EIF3M: variants seen among roughly 807,000 people sequenced by gnomAD.
The protein encoded by EIF3M is eukaryotic translation initiation factor 3 subunit M.
In EIF3M, 25 loss-of-function variants were observed where a neutral mutation model predicts 49.7. The ratio of observed to expected loss-of-function variants is 0.50; its 90% CI spans 0.37 to 0.70. The LOEUF (loss-of-function observed/expected upper bound fraction) is 0.70, where lower values mean the gene tolerates loss of function less well. EIF3M is among the 30% of genes least tolerant of loss of function. EIF3M has a pLI of 0.00. For missense variants in EIF3M, 350 were observed against 440.0 expected, an observed-to-expected ratio of 0.80 and a Z score of 1.83; for synonymous variants, 156 against 149.8, an observed-to-expected ratio of 1.04 and a Z score of -0.30.
At chr11:32,586,933 G>A in intron 1 of EIF3M, 79 bp from the exon 2 acceptor site, 1 of 1,482,434 alleles carries the variant, frequency 6.7e-7, no homozygotes, top group African/African-American at 1.4e-5. Context: ...TTCCGTTTTA[G>A]TTTTTCAGAA....
Position 32,602,980 on chromosome 11 carries a change from T to A in EIF3M, c.*581T>A, listed in dbSNP as rs1344029324. The A allele has an allele frequency of 6.2e-7, 1 of 1,613,364 alleles. No homozygotes were observed. Among genetic ancestry groups the A allele is most frequent in the Admixed American group, 1.7e-5 (1 of 59,898 alleles). ...TTTAGTCGTCTTGATTGCCTGCAAA[T>A]GGCTTTGTAGTGGAGTTGATATCAG... On this transcript the variant is annotated 3_prime_UTR_variant, in exon 11 of 11. Transcript: ENST00000531120.
At position 32,602,884 on chromosome 11, in the gene EIF3M, C is replaced by T; in HGVS notation, c.*485C>T. ...CTTTGGCTGGTTGTCATTTTCTAAA[C>T]TTAGTAAATTTTCACTTTTATTTAG... is the stretch of plus-strand genomic sequence containing the variant. On this transcript the variant is annotated 3_prime_UTR_variant, in exon 11 of 11. Transcript: ENST00000531120. 6.2e-7 allele frequency: 1 copy of T among 1,611,716 alleles called. No individual in the cohort carries two copies. The highest frequency in any genetic ancestry group is 8.5e-7 in the Non-Finnish European group (1 of 1,179,078).
intron 10 of EIF3M, 175 bp from the exon 11 acceptor site, chr11:32,602,104 G>T: frequency 9.4e-7 from 1 of 1,069,212 alleles, no homozygotes; most frequent in Non-Finnish European, 1.4e-6. Context: ...AGAAGGCTTA[G>T]GATCAATATG....
At chr11:32,586,493 T>C (rs1317655213) in intron 1 of EIF3M, among the ~76,000 whole-genome samples, 2 of 152,216 alleles carry the variant, frequency 1.3e-5, no homozygotes, top group Non-Finnish European at 2.9e-5. Flanking sequence ...GCATTGCCCT[T>C]TTGTGAACCA....
At chr11:32,588,550 G>A in intron 2 of EIF3M, 44 bp from the exon 3 acceptor site, 1 of 1,600,812 alleles carries the variant, frequency 6.2e-7, no homozygotes, top group Non-Finnish European at 8.5e-7. Flanking sequence ...GACGCATTGA[G>A]TATTGTAGTA....
At chr11:32,596,627 A>G (rs917019007) in intron 8 of EIF3M, among the ~76,000 whole-genome samples, 7 of 151,584 alleles carry the variant, frequency 4.6e-5, no homozygotes, top group Non-Finnish European at 8.8e-5. Context: ...AAAAGAAAGA[A>G]AAGAAAACAA....
chr11:32,595,300 A>T (rs1279500059), intron 7 of EIF3M, among the ~76,000 whole-genome samples: 1 of 151,748 alleles, frequency 6.6e-6, no homozygotes, highest in African/African-American at 2.4e-5. Context: ...ATCTTGGCTC[A>T]CTGCAACCTC....
chr11:32,592,825 T>C (rs893545880), intron 5 of EIF3M: 8 of 367,100 alleles, frequency 2.2e-5, no homozygotes, highest in Admixed American at 1.9e-4. Flanking sequence ...CTGACCATGT[T>C]GCCCACACTG....
rs1414585429 is a variant in EIF3M at position 32,603,638 on chromosome 11, C to T, written c.*1239C>T. 6.6e-6 allele frequency: 1 copy of T among 152,128 alleles called. No homozygotes were observed. Among genetic ancestry groups the T allele is most frequent in the Non-Finnish European group, 1.5e-5 (1 of 68,028 alleles). 9.4% of individuals were successfully genotyped at this position (152,128 alleles called of 1,614,324 possible). A position where few individuals can be genotyped will look rare whatever the true frequency, so the allele number is the denominator to read the frequency against. ...AACAATTGTCTATGGCTGCAAAATA[C>T]TCCCTTTTATGGATGTTTGATATAT... is the stretch of plus-strand genomic sequence containing the variant. On this transcript the variant is annotated 3_prime_UTR_variant, in exon 11 of 11. Coordinates refer to ENST00000531120, the MANE Select transcript of EIF3M (RefSeq NM_006360.6).
intron 5 of EIF3M, 134 bp downstream of exon 5, chr11:32,589,775 TA>T: frequency 3.2e-6 from 2 of 619,184 alleles, no homozygotes; most frequent in Non-Finnish European, 5.3e-6. Context: ...TCTATTTCTA[TA>T]AATTTGACCT....
At chr11:32,600,558 T>C (rs1590529798) in intron 8 of EIF3M, 131 bp from the exon 9 acceptor site, 1 of 1,132,660 alleles carries the variant, frequency 8.8e-7, no homozygotes, top group East Asian at 2.9e-5. Flanking sequence ...AATTGTTCTA[T>C]ATAAGTGCTC....
intron 3 of EIF3M, 55 bp from the exon 4 acceptor site, chr11:32,588,957 A>G (rs906688570): frequency 4.4e-6 from 7 of 1,601,222 alleles, no homozygotes; most frequent in Non-Finnish European, 5.1e-6. Flanking sequence ...GCTAACCTCA[A>G]CTTAAAACTG....
At chr11:32,584,891 G>A (rs1369274497) in intron 1 of EIF3M, among the ~76,000 whole-genome samples, 2 of 152,186 alleles carry the variant, frequency 1.3e-5, no homozygotes, top group African/African-American at 4.8e-5. Flanking sequence ...TATTTGGTAG[G>A]AGTTGAACAC....
rs1378862133 is a variant in EIF3M, at chr11:32,603,411, G to A, written c.*1012G>A. 2 of 156,350 alleles carry A rather than the reference G, an allele frequency of 1.3e-5. No individual in the cohort carries two copies. The highest frequency in any genetic ancestry group is 2.4e-5 in the African/African-American group (1 of 41,418). The allele number at this position is 156,350 out of a possible 1,614,324, so 9.7% of individuals were successfully genotyped here. ...CTTTTTCATTTTAAGGTTCTTTTCT[G>A]ATGTTAAAATACTTACTGGAAATTT... On this transcript the variant is annotated 3_prime_UTR_variant, in exon 11 of 11. Transcript: ENST00000531120.
Position 32,595,520 on chromosome 11 carries a change from C to T in EIF3M, c.718-446C>T, listed in dbSNP as rs537794711. On this transcript the variant is annotated intron_variant, in intron 7 of 10. Transcript: ENST00000531120. Reference sequence around the variant, plus strand: ...AGAGTGCTGGGATTACAGGCGTGAGCCACTGTGCCCGGCTACCTCCCTTTC... The same window carrying T: ...AGAGTGCTGGGATTACAGGCGTGAGTCACTGTGCCCGGCTACCTCCCTTTC... Among the ~76,000 whole-genome samples, 3 of 152,302 alleles carry T rather than the reference C, an allele frequency of 2.0e-5. No individual in the cohort carries two copies. In the East Asian group the frequency reaches 5.8e-4, roughly 29 times the overall value.
Position 32,602,848 on chromosome 11 carries a change from GCTTTT to G in EIF3M, c.*459_*463del. On this transcript the variant is annotated 3_prime_UTR_variant, in exon 11 of 11. Transcript: ENST00000531120. ...GTTGTTTTTTTCCAACGTCTCTTCTGCTTTTCTTTTCTTTGGCTGGTTGTCATTTT... is the reference window on the plus strand; with the variant it reads ...GTTGTTTTTTTCCAACGTCTCTTCTGCTTTTCTTTGGCTGGTTGTCATTTT... 1 of 1,608,500 alleles carries G rather than the reference GCTTTT, an allele frequency of 6.2e-7. No individual in the cohort carries two copies. The highest frequency in any genetic ancestry group is 8.5e-7 in the Non-Finnish European group (1 of 1,177,708).
intron 1 of EIF3M, among the ~76,000 whole-genome samples, chr11:32,585,046 T>G (rs2133191087): frequency 6.6e-6 from 1 of 152,356 alleles, no homozygotes; most frequent in South Asian, 2.1e-4. Context: ...GAAGTTTACT[T>G]GTCTAAGACA....
At chr11:32,596,186 C>A in intron 8 of EIF3M, 139 bp downstream of exon 8, 2 of 569,068 alleles carry the variant, frequency 3.5e-6, no homozygotes, top group South Asian at 3.5e-5. Flanking sequence ...GATAGAACAG[C>A]ACAAAAATAG....
chr11:32,602,481 A>AGTCT lies in EIF3M; in HGVS notation c.*84_*87dup, dbSNP rs1855286478. 2.0e-6 allele frequency: 3 copies of AGTCT among 1,472,496 alleles called. No homozygotes were observed. The highest frequency in any genetic ancestry group is 2.7e-6 in the Non-Finnish European group (3 of 1,099,420). The allele number at this position is 1,472,496 out of a possible 1,614,324, so 91.2% of individuals were successfully genotyped here. ...CATTATAAACTAAAAAAATTTGCCT[A>AGTCT]GTCTGGACAGTTATTGTCTCAAATT... On this transcript the variant is annotated 3_prime_UTR_variant, in exon 11 of 11. Transcript: ENST00000531120.
Sources: allele counts gnomAD v4.1 joint callset (sites outside exome capture counted in the v4.1 genomes callset), GRCh38; gene constraint gnomAD v4.1.1; transcripts MANE v1.5; gene names NCBI Gene and HGNC (gene_info 2026-07-23, HGNC 2026-07-21).